The following FRMPD4 variants were observed in gnomAD, a reference collection of about 807,000 sequenced individuals.
The protein encoded by FRMPD4 is FERM and PDZ domain containing 4, also known as FERM and PDZ domain-containing protein 4.
Under a neutral mutation model 94.1 loss-of-function variants are expected in FRMPD4, and 22 were observed. The ratio of observed to expected loss-of-function variants is 0.23; its 90% CI spans 0.17 to 0.33. The LOEUF is 0.33. FRMPD4 is among the 10% of genes least tolerant of loss of function. The pLI, the probability that FRMPD4 is intolerant of heterozygous loss-of-function variation, is 1.00. For synonymous variants in FRMPD4, 631 were observed against 548.6 expected (o/e 1.15, Z -2.10); for missense variants, 1,111 against 1,339.9 (o/e 0.83, Z 2.67).
At chrX:11,990,511 G>T (rs1202854561) in intron 3 of FRMPD4, among the ~76,000 whole-genome samples, 2 of 112,202 alleles carry the variant, frequency 1.8e-5, no homozygotes, top group African/African-American at 3.2e-5. Flanking sequence ...CAGGAAAACT[G>T]AAAGTATAGA....
chrX:12,451,846 C>G (rs904451809), intron 1 of FRMPD4, among the ~76,000 whole-genome samples: 2 of 108,689 alleles, frequency 1.8e-5, no homozygotes, highest in Admixed American at 2.0e-4. Flanking sequence ...TTTTTTCCAG[C>G]CTCAATAGCT....
At chrX:12,175,974 G>A (rs972005979) in intron 1 of FRMPD4, among the ~76,000 whole-genome samples, 4 of 112,136 alleles carry the variant, frequency 3.6e-5, no homozygotes, top group African/African-American at 1.3e-4. Context: ...GTGATGTGCT[G>A]GTAATGGTTA....
rs767940249 is a variant in FRMPD4, at chrX:12,561,061, G to A, written c.159-48660G>A. 3.4e-3 allele frequency among the ~76,000 whole-genome samples: 372 copies of A among 110,207 alleles called. 1 individual carries two copies. Among genetic ancestry groups the A allele is most frequent in the African/African-American group, 0.012 (359 of 30,372 alleles). ...TGGGATTACAGGCGTGAGCCACCGC[G>A]CCCGGCCCCCTCATCTTTTTTGACA... On this transcript the variant is annotated intron_variant, in intron 2 of 16. Coordinates refer to ENST00000675598, the MANE Select transcript of FRMPD4 (RefSeq NM_001368397.1).
At chrX:12,435,242 A>G (rs5933999) in intron 1 of FRMPD4, among the ~76,000 whole-genome samples, 44,537 of 110,515 alleles carry the variant, frequency 0.4, 7,095 homozygotes, top group East Asian at 0.61. Context: ...AATGATTGTT[A>G]TATGCTAATC....
intron 3 of FRMPD4, among the ~76,000 whole-genome samples, chrX:11,927,193 G>A (rs2054094381): frequency 9.0e-6 from 1 of 110,730 alleles, no homozygotes; most frequent in South Asian, 3.8e-4. Flanking sequence ...AGCTAATGGG[G>A]AGGTAAAAGA....
intron 1 of FRMPD4, among the ~76,000 whole-genome samples, chrX:12,456,732 G>C (rs2057337762): frequency 1.8e-5 from 2 of 113,008 alleles, no homozygotes; most frequent in East Asian, 5.5e-4. Flanking sequence ...TTTGCATTCT[G>C]CAAACAGGTT....
chrX:12,364,756 C>A (rs148741825), intron 1 of FRMPD4, among the ~76,000 whole-genome samples: 113 of 111,456 alleles, frequency 1.0e-3, no homozygotes, highest in African/African-American at 3.7e-3. Flanking sequence ...ATATGCACCC[C>A]GTCATGTGCG....
chrX:12,066,871 G>GTTTTT (rs201251837), intron 3 of FRMPD4, among the ~76,000 whole-genome samples: 9 of 100,076 alleles, frequency 9.0e-5, no homozygotes, highest in East Asian at 3.4e-4. Flanking sequence ...TTTTGTTTTT[G>GTTTTT]TTTTTGTTTT....
chrX:12,660,695 G>A (rs926634014), intron 4 of FRMPD4, among the ~76,000 whole-genome samples: 1 of 112,121 alleles, frequency 8.9e-6, no homozygotes, highest in African/African-American at 3.2e-5. Flanking sequence ...CCTAACAAAC[G>A]TAATGGCTTA....
chrX:12,621,282 G>T lies in FRMPD4; in HGVS notation c.422+6401G>T, dbSNP rs922436164. Among the ~76,000 whole-genome samples the T allele has an allele frequency of 3.6e-5, 4 of 109,917 alleles. No homozygotes were observed. In the Admixed American group the frequency reaches 3.8e-4, roughly 11 times the overall value. ...AAAAAAACGACTGAAAGAGATGTTT[G>T]CCCTCTCAAATGCACAGATACCAAC... On this transcript the variant is annotated intron_variant, in intron 4 of 16. Transcript: ENST00000675598.
intron 1 of FRMPD4, among the ~76,000 whole-genome samples, chrX:12,189,387 A>T (rs2056463457): frequency 9.0e-6 from 1 of 111,518 alleles, no homozygotes; most frequent in South Asian, 3.7e-4. Flanking sequence ...CTTCCAGAAG[A>T]TAGAGGCAAA....
At chrX:12,643,928 C>T (rs1314429185) in intron 4 of FRMPD4, among the ~76,000 whole-genome samples, 1 of 112,210 alleles carries the variant, frequency 8.9e-6, no homozygotes, top group East Asian at 2.8e-4. Flanking sequence ...TTTTCACTGC[C>T]AATAAGACCA....
At chrX:11,978,586 C>G (rs1490205643) in intron 3 of FRMPD4, among the ~76,000 whole-genome samples, 1 of 111,191 alleles carries the variant, frequency 9.0e-6, no homozygotes, top group Admixed American at 9.6e-5. Flanking sequence ...CTGGTAATTA[C>G]TGTAGGAGAA....
At chrX:12,373,313 T>A (rs1464898713) in intron 1 of FRMPD4, 1 of 112,103 alleles carries the variant, frequency 8.9e-6, no homozygotes, top group East Asian at 2.8e-4. Flanking sequence ...GTTTAAAAAT[T>A]CAAATTCTCC....
chrX:12,199,236 AATGT>A (rs1307678394), intron 1 of FRMPD4, among the ~76,000 whole-genome samples: 7 of 65,551 alleles, frequency 1.1e-4, no homozygotes, highest in Non-Finnish European at 2.0e-4. Flanking sequence ...TAGAAAGGAA[AATGT>A]GTGTGTGTGT....
intron 1 of FRMPD4, among the ~76,000 whole-genome samples, chrX:12,393,190 AT>A (rs2056499830): frequency 1.8e-5 from 2 of 112,573 alleles, no homozygotes; most frequent in South Asian, 7.3e-4. Context: ...GATTCAACAA[AT>A]AAAAATACAG....
chrX:12,653,783 T>G (rs2059623012), intron 4 of FRMPD4, among the ~76,000 whole-genome samples: 1 of 112,175 alleles, frequency 8.9e-6, no homozygotes, highest in Non-Finnish European at 1.9e-5. Flanking sequence ...TTGTTTGTTT[T>G]TGAGACAGAG....
intron 1 of FRMPD4, among the ~76,000 whole-genome samples, chrX:12,201,221 CTA>C (rs765647197): frequency 8.0e-5 from 9 of 112,439 alleles, no homozygotes; most frequent in African/African-American, 2.6e-4. Flanking sequence ...GTTATTATTT[CTA>C]TCTTTTCTGT....
intron 1 of FRMPD4, among the ~76,000 whole-genome samples, chrX:12,244,035 A>G (rs2053920073): frequency 9.1e-6 from 1 of 109,780 alleles, no homozygotes; most frequent in African/African-American, 3.3e-5. Flanking sequence ...GGCTCAAATG[A>G]TCCTGTTAAG....
Sources: allele counts gnomAD v4.1 joint callset (sites outside exome capture counted in the v4.1 genomes callset), GRCh38; gene constraint gnomAD v4.1.1; transcripts MANE v1.5; gene names NCBI Gene and HGNC (gene_info 2026-07-23, HGNC 2026-07-21).